ADAM12: variants seen among roughly 807,000 people sequenced by gnomAD.
The protein encoded by ADAM12 is ADAM metallopeptidase domain 12, also known as disintegrin and metalloproteinase domain-containing protein 12.
In ADAM12, 70 loss-of-function variants were observed where a neutral mutation model predicts 106.4. The observed-to-expected ratio is 0.66, with a 90% CI of 0.54 to 0.80. The LOEUF (loss-of-function observed/expected upper bound fraction) is 0.80. Ranked by LOEUF, ADAM12 falls within the 30% of genes least tolerant of loss-of-function variation. The pLI is 0.00. For missense variants in ADAM12, 1,010 were observed against 1,171.9 expected, an observed-to-expected ratio of 0.86 and a Z score of 2.02; for synonymous variants, 420 against 433.5, an observed-to-expected ratio of 0.97 and a Z score of 0.39.
Position 126,155,317 on chromosome 10 carries a change from C to T in ADAM12, c.261-12G>A, listed in dbSNP as rs1203454630. On this transcript the variant is annotated splice_polypyrimidine_tract_variant and intron_variant, in intron 3 of 22. Coordinates refer to ENST00000448723, the MANE Select transcript of ADAM12 (RefSeq NM_001288973.2). ...TGGCAATGAGACCTCTGCGGAAAAACAAAAACACCATAAAAAGATGAGTGC... is the reference window on the plus strand; with the variant it reads ...TGGCAATGAGACCTCTGCGGAAAAATAAAAACACCATAAAAAGATGAGTGC... 6.2e-7 allele frequency: 1 copy of T among 1,609,264 alleles called. No individual in the cohort carries two copies. The highest frequency in any genetic ancestry group is 1.7e-5 in the Admixed American group (1 of 59,898).
At chr10:126,047,000 A>G (rs1431677316) in intron 16 of ADAM12, among the ~76,000 whole-genome samples, 6 of 152,072 alleles carry the variant, frequency 3.9e-5, no homozygotes, top group Admixed American at 1.3e-4. Flanking sequence ...ACCATCAGCA[A>G]CGAGGCTCAG....
At chr10:126,240,838 C>A (rs1253263863) in intron 3 of ADAM12, among the ~76,000 whole-genome samples, 1 of 152,232 alleles carries the variant, frequency 6.6e-6, no homozygotes, top group African/African-American at 2.4e-5. Context: ...CTGAGAACAA[C>A]ACAGAGCCCC....
At chr10:126,191,347 C>T (rs968710191) in intron 3 of ADAM12, among the ~76,000 whole-genome samples, 7 of 151,988 alleles carry the variant, frequency 4.6e-5, no homozygotes, top group Admixed American at 1.3e-4. Flanking sequence ...TTAGTTTATG[C>T]GTTAATCCTT....
chr10:126,379,466 T>C (rs1003585053), intron 1 of ADAM12, among the ~76,000 whole-genome samples: 6 of 151,968 alleles, frequency 3.9e-5, no homozygotes, highest in African/African-American at 1.5e-4. Flanking sequence ...CCGCATGTTC[T>C]CACCCATAAG....
intron 5 of ADAM12, among the ~76,000 whole-genome samples, chr10:126,130,623 C>T (rs1262455543): frequency 1.3e-5 from 2 of 152,202 alleles, no homozygotes; most frequent in South Asian, 4.1e-4. Flanking sequence ...GTCTGGCCAG[C>T]GAGGTCGTCA....
intron 3 of ADAM12, among the ~76,000 whole-genome samples, chr10:126,190,593 T>C (rs1251954595): frequency 1.3e-5 from 2 of 152,102 alleles, no homozygotes; most frequent in Non-Finnish European, 2.9e-5. Context: ...TTCTGCCCTT[T>C]GGGAGGTTCA....
intron 3 of ADAM12, among the ~76,000 whole-genome samples, chr10:126,173,494 C>T (rs1676753): frequency 0.051 from 7,837 of 152,206 alleles, 249 homozygotes; most frequent in African/African-American, 0.083. Flanking sequence ...CCCAAGATGC[C>T]GGTAACTCTC....
chr10:126,020,263 G>A (rs575256165), intron 21 of ADAM12, among the ~76,000 whole-genome samples: 7 of 152,278 alleles, frequency 4.6e-5, no homozygotes, highest in South Asian at 2.1e-4. Context: ...TGGATGAGAC[G>A]GTGAGGATGG....
chr10:126,027,587 C>G (rs1293038748), intron 21 of ADAM12, among the ~76,000 whole-genome samples: 2 of 152,098 alleles, frequency 1.3e-5, no homozygotes, highest in Non-Finnish European at 2.9e-5. Flanking sequence ...AAATGTGATT[C>G]ATCACATAAA....
chr10:126,122,709 C>T (rs959780950), intron 5 of ADAM12, among the ~76,000 whole-genome samples: 3 of 152,002 alleles, frequency 2.0e-5, no homozygotes, highest in East Asian at 1.9e-4. Context: ...TGCAGTGAGC[C>T]GAGATGTGCC....
intron 3 of ADAM12, among the ~76,000 whole-genome samples, chr10:126,249,895 G>A (rs1958711962): frequency 6.6e-6 from 1 of 152,094 alleles, no homozygotes; most frequent in African/African-American, 2.4e-5. Flanking sequence ...ACACACCATG[G>A]TCCTCTGTCA....
Position 126,195,627 on chromosome 10 carries a change from G to A in ADAM12, c.261-40322C>T, listed in dbSNP as rs186179608. On this transcript the variant is annotated intron_variant, in intron 3 of 22. Transcript: ENST00000448723. ...AAACCAACATACGTTAATTAGACCA[G>A]TTAAGCCCTTCAACAATATATACAT... 7.4e-4 allele frequency among the ~76,000 whole-genome samples: 113 copies of A among 152,082 alleles called. 1 individual carries two copies. The highest frequency in any genetic ancestry group is 1.3e-3 in the Non-Finnish European group (89 of 68,006).
At chr10:126,320,407 T>C (rs1394081987) in intron 2 of ADAM12, among the ~76,000 whole-genome samples, 2 of 152,222 alleles carry the variant, frequency 1.3e-5, no homozygotes, top group Non-Finnish European at 2.9e-5. Context: ...TTTATATACG[T>C]GGTTGCAGGC....
chr10:126,243,167 G>A (rs2133658674), intron 3 of ADAM12, among the ~76,000 whole-genome samples: 1 of 152,348 alleles, frequency 6.6e-6, no homozygotes, highest in South Asian at 2.1e-4. Context: ...CTGCTGAGCA[G>A]GCAGCATGGA....
chr10:126,186,466 C>T (rs1200351581), intron 3 of ADAM12, among the ~76,000 whole-genome samples: 1 of 152,202 alleles, frequency 6.6e-6, no homozygotes, highest in Non-Finnish European at 1.5e-5. Flanking sequence ...AACAAGGGAG[C>T]AGCATCTGAG....
chr10:126,060,060 A>T (rs943378323), intron 14 of ADAM12, among the ~76,000 whole-genome samples: 1 of 152,228 alleles, frequency 6.6e-6, no homozygotes, highest in Non-Finnish European at 1.5e-5. Context: ...GTGGGACAAA[A>T]ATCAGTGAGA....
chr10:126,160,279 T>C (rs1156350961), intron 3 of ADAM12, among the ~76,000 whole-genome samples: 1 of 152,148 alleles, frequency 6.6e-6, no homozygotes, highest in Non-Finnish European at 1.5e-5. Context: ...ATTAGCTAGA[T>C]TCAACTATCT....
intron 3 of ADAM12, among the ~76,000 whole-genome samples, chr10:126,157,356 G>A (rs908679048): frequency 6.6e-6 from 1 of 152,324 alleles, no homozygotes; most frequent in Non-Finnish European, 1.5e-5. Context: ...CTGGAGCTGG[G>A]TTTTGCAACC....
In ADAM12 at chr10:126,053,722, TGA is replaced by T. The variant is rs1954562621; in HGVS notation, c.1610-4055_1610-4054del. Among the ~76,000 whole-genome samples, 1 of 152,128 alleles carries T rather than the reference TGA, an allele frequency of 6.6e-6. No homozygotes were observed. On this transcript the variant is annotated intron_variant, in intron 14 of 22. Coordinates refer to ENST00000448723, the MANE Select transcript of ADAM12 (RefSeq NM_001288973.2). The surrounding 1 kb of genome is among the most constrained non-coding windows in gnomAD (Gnocchi z 4.6). ...TTGGTCTCAGTCTTTTTATTTTTTT[TGA>T]GAGAGAGTTTCGCTCTTGTTGCCCA...
Sources: gnomAD v4.1 joint callset for allele counts (sites outside exome capture counted in the v4.1 genomes callset) on GRCh38, gnomAD v4.1.1 for gene constraint, Gnocchi (gnomAD v3.1) non-coding constraint, MANE v1.5 for transcripts, NCBI Gene and HGNC (gene_info 2026-07-23, HGNC 2026-07-21) for gene names.